Variants in ARHGEF7 observed in about 807,000 individuals in gnomAD.
ARHGEF7 encodes Rho guanine nucleotide exchange factor 7.
In ARHGEF7, 33 loss-of-function variants were observed where a neutral mutation model predicts 109.8. The ratio of observed to expected loss-of-function variants is 0.30; its 90% confidence interval spans 0.23 to 0.40. The LOEUF (loss-of-function observed/expected upper bound fraction) is 0.40, where lower values mean the gene tolerates loss of function less well. ARHGEF7 is among the 10% of genes least tolerant of loss of function. The pLI, the probability that ARHGEF7 is intolerant of heterozygous loss-of-function variation, is 1.00. For missense variants in ARHGEF7, 938 were observed against 1,098.5 expected (o/e 0.85, Z 2.07); for synonymous variants, 458 against 424.6 (o/e 1.08, Z -0.97).
chr13:111,205,551 A>G (rs2081723535), intron 3 of ARHGEF7, among the ~76,000 whole-genome samples, 178 bp downstream of exon 3: 1 of 152,150 alleles, frequency 6.6e-6, no homozygotes, highest in African/African-American at 2.4e-5. Context: ...TTAGAATAGA[A>G]TCTTCTTTAA....
At position 111,145,598 on chromosome 13, in the gene ARHGEF7, C is replaced by T. The variant is rs1283834951; in HGVS notation, c.166-8307C>T. On this transcript the variant is annotated intron_variant, in intron 1 of 21. Transcript: ENST00000646102. The surrounding 1 kb of genome is among the most constrained non-coding windows in gnomAD (Gnocchi z 4.3). ...GTGTACCGTTTGCTGATTTCTGTGC[C>T]GTAGGTACTTACACCAGGGCTTTAA... is the stretch of plus-strand genomic sequence containing the variant. Among the ~76,000 whole-genome samples, 2 of 152,108 alleles carry T rather than the reference C, an allele frequency of 1.3e-5. No homozygotes were observed.
intron 2 of ARHGEF7, among the ~76,000 whole-genome samples, chr13:111,159,643 T>C (rs947696716): frequency 2.6e-5 from 4 of 152,256 alleles, no homozygotes; most frequent in African/African-American, 7.2e-5. Flanking sequence ...ATGTTGAACA[T>C]TTTCTAATCT....
At chr13:111,284,818 C>G (rs1192484586) in intron 16 of ARHGEF7, among the ~76,000 whole-genome samples, 1 of 151,522 alleles carries the variant, frequency 6.6e-6, no homozygotes, top group Non-Finnish European at 1.5e-5. Context: ...CTGCCTGGCT[C>G]TGGCTCAGGT....
rs759044788 is a variant in ARHGEF7, at chr13:111,224,781, G to C, written c.670+6901G>C. 3.3e-5 allele frequency among the ~76,000 whole-genome samples: 5 copies of C among 152,322 alleles called. No individual in the cohort carries two copies. In the South Asian group the frequency reaches 1.0e-3, roughly 32 times the overall value. The stretch of plus-strand genomic sequence containing the variant: ...GTGAGTATAATCTGTGCGGGGAAAA[G>C]GACAAAAGTACCCCAGAACCTTGCC... On this transcript the variant is annotated intron_variant, in intron 5 of 21. Coordinates refer to ENST00000646102, the MANE Select transcript of ARHGEF7 (RefSeq NM_001354046.2).
At chr13:111,204,145 A>T (rs1363438707) in intron 2 of ARHGEF7, among the ~76,000 whole-genome samples, 1 of 152,100 alleles carries the variant, frequency 6.6e-6, no homozygotes, top group African/African-American at 2.4e-5. Context: ...ATGAATAAGG[A>T]TTAGCCAGGA....
At chr13:111,154,727 A>G (rs929494077) in intron 2 of ARHGEF7, among the ~76,000 whole-genome samples, 1 of 152,140 alleles carries the variant, frequency 6.6e-6, no homozygotes, top group African/African-American at 2.4e-5. Context: ...TTATTTTGCT[A>G]TTGCGATTCT....
Position 111,261,905 on chromosome 13 carries a change from T to G in ARHGEF7, c.951-5643T>G, listed in dbSNP as rs897728456. Among the ~76,000 whole-genome samples the G allele has an allele frequency of 3.3e-5, 5 of 152,170 alleles. No individual in the cohort carries two copies. The South Asian group carries it at 1.0e-3, about 32-fold the overall frequency. On this transcript the variant is annotated intron_variant, in intron 8 of 21. Coordinates refer to ENST00000646102, the MANE Select transcript of ARHGEF7 (RefSeq NM_001354046.2). ...GAAGAAATTAAGAAAATTTAAAAATTTCTTGAAACAAGTGATCGTGGAAAC... is the reference window on the plus strand; with the variant it reads ...GAAGAAATTAAGAAAATTTAAAAATGTCTTGAAACAAGTGATCGTGGAAAC...
chr13:111,169,113 G>C (rs1052566364), intron 2 of ARHGEF7, among the ~76,000 whole-genome samples: 5 of 152,220 alleles, frequency 3.3e-5, no homozygotes, highest in East Asian at 1.9e-4. Context: ...GGTTGTGCCA[G>C]GCAGAGGCAA....
At chr13:111,183,147 C>A (rs1310727735) in intron 2 of ARHGEF7, among the ~76,000 whole-genome samples, 1 of 152,146 alleles carries the variant, frequency 6.6e-6, no homozygotes, top group Non-Finnish European at 1.5e-5. Context: ...TGTAAATAGT[C>A]AAGAGTTAGA....
At chr13:111,283,565 G>T (rs1264855960) in intron 16 of ARHGEF7, among the ~76,000 whole-genome samples, 1 of 152,240 alleles carries the variant, frequency 6.6e-6, no homozygotes, top group African/African-American at 2.4e-5. Flanking sequence ...AAGGCGATGT[G>T]CAGGGTCCCC....
intron 6 of ARHGEF7, among the ~76,000 whole-genome samples, chr13:111,235,620 C>T (rs1639078855): frequency 6.6e-6 from 1 of 152,214 alleles, no homozygotes; most frequent in Admixed American, 6.5e-5. Context: ...GTAGTACTCT[C>T]ATTTTACAGC....
intron 5 of ARHGEF7, among the ~76,000 whole-genome samples, chr13:111,227,862 CT>C (rs1015788963): frequency 1.3e-5 from 2 of 152,250 alleles, no homozygotes; most frequent in African/African-American, 4.8e-5. Flanking sequence ...CACCTTGACC[CT>C]TTTCTCTATC....
intron 5 of ARHGEF7, among the ~76,000 whole-genome samples, chr13:111,220,042 C>G (rs1344187940): frequency 1.3e-5 from 2 of 152,172 alleles, no homozygotes; most frequent in African/African-American, 4.8e-5. Context: ...TTGGATGGCA[C>G]TGGCCTGCAT....
rs974339597 is a variant in ARHGEF7 at position 111,266,563 on chromosome 13, T to C, written c.951-985T>C. Among the ~76,000 whole-genome samples, 3 of 151,648 alleles carry C rather than the reference T, an allele frequency of 2.0e-5. No homozygotes were observed. Among genetic ancestry groups the C allele is most frequent in the East Asian group, 3.9e-4 (2 of 5,190 alleles). On this transcript the variant is annotated intron_variant, in intron 8 of 21. Transcript: ENST00000646102. The surrounding 1 kb of genome is among the most constrained non-coding windows in gnomAD (Gnocchi z 4.8). Reference sequence around the variant, plus strand: ...CTTCATTCCCCTTTTTTTAGGCAAATGTATTTGTCCTTTCATGCCTTCTTA... The same window carrying C: ...CTTCATTCCCCTTTTTTTAGGCAAACGTATTTGTCCTTTCATGCCTTCTTA...
chr13:111,151,739 G>A (rs1349035649), intron 1 of ARHGEF7, among the ~76,000 whole-genome samples: 1 of 152,158 alleles, frequency 6.6e-6, no homozygotes, highest in Non-Finnish European at 1.5e-5. Context: ...CAGCCTTCTT[G>A]CGCTTAGGGA....
chr13:111,186,400 G>C (rs1043074804), intron 2 of ARHGEF7, among the ~76,000 whole-genome samples: 1 of 152,148 alleles, frequency 6.6e-6, no homozygotes, highest in Non-Finnish European at 1.5e-5. Context: ...AATCATTTGG[G>C]TGCATGTTGG....
chr13:111,114,808 C>G (rs527933698), upstream of ARHGEF7: 8 of 152,214 alleles, frequency 5.3e-5, no homozygotes, highest in African/African-American at 7.2e-5. Context: ...CGGTTCCTCC[C>G]GATTCAGACC....
chr13:111,138,654 G>T (rs1000766167), intron 1 of ARHGEF7, among the ~76,000 whole-genome samples: 1 of 152,090 alleles, frequency 6.6e-6, no homozygotes, highest in Non-Finnish European at 1.5e-5. Context: ...AGCCTGCACC[G>T]CTCGCACCGT....
chr13:111,188,539 G>C (rs1318258397), intron 2 of ARHGEF7, among the ~76,000 whole-genome samples: 1 of 152,184 alleles, frequency 6.6e-6, no homozygotes, highest in African/African-American at 2.4e-5. Flanking sequence ...CAGCCGAGAG[G>C]CTTCTGCGAA....
Sources: gnomAD v4.1 joint callset for allele counts (sites outside exome capture counted in the v4.1 genomes callset) on GRCh38, gnomAD v4.1.1 for gene constraint, Gnocchi (gnomAD v3.1) non-coding constraint, MANE v1.5 for transcripts, NCBI Gene and HGNC (gene_info 2026-07-23, HGNC 2026-07-21) for gene names.